The following STX3 variants were observed in gnomAD, a reference collection of about 807,000 sequenced individuals.
STX3 encodes syntaxin 3.
A neutral mutation model predicts 40.2 loss-of-function variants in STX3; 19 were observed. The ratio of observed to expected loss-of-function variants is 0.47; its 90% CI spans 0.33 to 0.69. STX3 has a LOEUF of 0.69. STX3 is among the 30% of genes least tolerant of loss of function. The pLI, the probability that STX3 is intolerant of heterozygous loss-of-function variation, is 0.02. For synonymous variants in STX3, 122 were observed against 132.2 expected, an observed-to-expected ratio of 0.92 and a Z score of 0.53; for missense variants, 364 against 366.7, an observed-to-expected ratio of 0.99 and a Z score of 0.06.
rs11825921 is a variant in STX3 at position 59,805,427 on chromosome 11, A to G, written c.*4603A>G. ...TTTGTTTGATACCTTATTTTTTAAG[A>G]AAGTGGGATTAAAAATATTTTGGTC... On this transcript the variant is annotated 3_prime_UTR_variant, in exon 11 of 11. Transcript: ENST00000337979. 1.3e-5 allele frequency: 2 copies of G among 150,760 alleles called. No homozygotes were observed. The highest frequency in any genetic ancestry group is 2.5e-5 in the African/African-American group (1 of 40,260). 9.3% of individuals were successfully genotyped at this position (150,760 alleles called of 1,614,324 possible).
intron 9 of STX3, 117 bp from the exon 10 acceptor site, chr11:59,797,166 A>C: frequency 1.4e-6 from 1 of 720,988 alleles, no homozygotes; most frequent in South Asian, 1.7e-5. Flanking sequence ...TAGGCCTCTT[A>C]CTCAGACTGG....
At position 59,801,235 on chromosome 11, in the gene STX3, G is replaced by A. The variant is rs1865874051; in HGVS notation, c.*411G>A. The A allele has an allele frequency of 1.9e-6, 2 of 1,066,418 alleles. No individual in the cohort carries two copies. The highest frequency in any genetic ancestry group is 1.7e-5 in the African/African-American group (1 of 60,478). 66.1% of individuals were successfully genotyped at this position (1,066,418 alleles called of 1,614,324 possible). On this transcript the variant is annotated 3_prime_UTR_variant, in exon 11 of 11. Transcript: ENST00000337979. ...CCAGAAACTGCAATGTATTTTTTTA[G>A]GGGAGTATCTTTAACAAAGCAGAAT...
chr11:59,796,114 C>T (rs1432553404), intron 9 of STX3, among the ~76,000 whole-genome samples: 3 of 152,230 alleles, frequency 2.0e-5, no homozygotes, highest in African/African-American at 4.8e-5. Context: ...CTACCTTGTA[C>T]CTAGCTCATG....
At chr11:59,788,311 G>A (rs1864903294) in intron 3 of STX3, among the ~76,000 whole-genome samples, 1 of 152,180 alleles carries the variant, frequency 6.6e-6, no homozygotes, top group Non-Finnish European at 1.5e-5. Context: ...CACCTTGCAG[G>A]AAAAATCTAG....
At chr11:59,796,776 C>T (rs1227652804) in intron 9 of STX3, among the ~76,000 whole-genome samples, 1 of 152,070 alleles carries the variant, frequency 6.6e-6, no homozygotes, top group Non-Finnish European at 1.5e-5. Flanking sequence ...CCCATATTTC[C>T]CTCTGCTGGC....
At chr11:59,756,812 A>G (rs575322281) in intron 1 of STX3, among the ~76,000 whole-genome samples, 1 of 152,336 alleles carries the variant, frequency 6.6e-6, no homozygotes, top group Non-Finnish European at 1.5e-5. Context: ...TTTAGGGTGC[A>G]TGGCACGGGG....
chr11:59,768,309 A>T (rs904767172), intron 1 of STX3, among the ~76,000 whole-genome samples: 3 of 152,206 alleles, frequency 2.0e-5, no homozygotes, highest in African/African-American at 4.8e-5. Flanking sequence ...AGGAGATACT[A>T]GTAACACTTA....
intron 1 of STX3, among the ~76,000 whole-genome samples, chr11:59,771,076 G>A (rs1590766454): frequency 6.6e-6 from 1 of 152,160 alleles, no homozygotes; most frequent in South Asian, 2.1e-4. Flanking sequence ...TGTGGAGGGC[G>A]TGAGGGGTTG....
At chr11:59,770,963 G>A (rs768555224) in intron 1 of STX3, among the ~76,000 whole-genome samples, 3 of 152,090 alleles carry the variant, frequency 2.0e-5, no homozygotes, top group Non-Finnish European at 4.4e-5. Context: ...GGACATCTCT[G>A]GGGGCAGCCA....
intron 2 of STX3, among the ~76,000 whole-genome samples, chr11:59,785,524 T>C (rs1468937303): frequency 6.6e-6 from 1 of 151,834 alleles, no homozygotes; most frequent in Non-Finnish European, 1.5e-5. Flanking sequence ...AGCGACGGGG[T>C]TTTGCCATGT....
intron 1 of STX3, among the ~76,000 whole-genome samples, chr11:59,767,127 C>T (rs1863319599): frequency 1.3e-5 from 2 of 152,120 alleles, no homozygotes; most frequent in Non-Finnish European, 2.9e-5. Context: ...ACTCTTTCTA[C>T]TTTCTGTCCA....
chr11:59,776,016 GA>G (rs1412995860), intron 2 of STX3, among the ~76,000 whole-genome samples: 1 of 152,176 alleles, frequency 6.6e-6, no homozygotes, highest in Non-Finnish European at 1.5e-5. Flanking sequence ...AAACTGGGGA[GA>G]AAAATATTCA....
chr11:59,756,335 TGGGA>T (rs1426006777), intron 1 of STX3, among the ~76,000 whole-genome samples: 1 of 152,182 alleles, frequency 6.6e-6, no homozygotes, highest in Non-Finnish European at 1.5e-5. Context: ...AGGAATTTGT[TGGGA>T]GGATCAGCTG....
intron 8 of STX3, among the ~76,000 whole-genome samples, chr11:59,794,446 C>T (rs988700601): frequency 2.0e-5 from 3 of 152,180 alleles, no homozygotes; most frequent in African/African-American, 4.8e-5. Flanking sequence ...AGTTGAAGCT[C>T]GAGCACAGCT....
chr11:59,800,514 C>T (rs1865825447), intron 10 of STX3: 2 of 985,228 alleles, frequency 2.0e-6, no homozygotes, highest in South Asian at 4.7e-5. Flanking sequence ...GAAAGCAGCT[C>T]CTGCAGCCTG....
Position 59,795,414 on chromosome 11 carries a change from G to C in STX3, c.718G>C (p.Val240Leu). ...CATAGAGTTGAATGTCATGCACACA[G>C]TGGACCACGTGGAGAAGGCACGAGA... ...DNIELNVMHT[V>L]DHVEKARDET... The change falls in exon 9 of 11, where the codon GTG (valine) becomes CTG (leucine). Residue 240 changes from valine (V) to leucine (L), a missense_variant. Coordinates refer to ENST00000337979, the MANE Select transcript of STX3 (RefSeq NM_004177.5). 6.2e-7 allele frequency: 1 copy of C among 1,613,690 alleles called. No homozygotes were observed. Among genetic ancestry groups the C allele is most frequent in the Non-Finnish European group, 8.5e-7 (1 of 1,179,894 alleles).
chr11:59,769,112 G>A (rs1415933919), intron 1 of STX3, among the ~76,000 whole-genome samples: 4 of 152,142 alleles, frequency 2.6e-5, no homozygotes, highest in African/African-American at 9.7e-5. Context: ...GGATACTTAG[G>A]TTGATTCCAT....
At chr11:59,799,903 A>G in intron 10 of STX3, 2 of 985,414 alleles carry the variant, frequency 2.0e-6, no homozygotes, top group Non-Finnish European at 2.4e-6. Flanking sequence ...TTGGCTCTGA[A>G]CAATCTGATT....
At chr11:59,781,489 C>T (rs1290334068) in intron 2 of STX3, 3 of 1,613,772 alleles carry the variant, frequency 1.9e-6, no homozygotes, top group Non-Finnish European at 2.5e-6. Flanking sequence ...CTGCCATCAG[C>T]TGTGGTTTCT....
Sources: gnomAD v4.1 joint callset for allele counts (sites outside exome capture counted in the v4.1 genomes callset) on GRCh38, gnomAD v4.1.1 for gene constraint, MANE v1.5 for transcripts, NCBI Gene and HGNC (gene_info 2026-07-23, HGNC 2026-07-21) for gene names.